Variants in UBR4 observed in about 807,000 individuals in gnomAD.
UBR4 encodes ubiquitin protein ligase E3 component n-recognin 4, also known as E3 ubiquitin-protein ligase UBR4.
A neutral mutation model predicts 575.6 loss-of-function variants in UBR4; 124 were observed. That is an observed-to-expected ratio of 0.22 (90% CI 0.19 to 0.25). The LOEUF is 0.25. Among genes scored for constraint, UBR4 ranks in the 10% least tolerant of loss-of-function variants. UBR4 has a pLI of 1.00. For synonymous variants in UBR4, 2,455 were observed against 2,473.7 expected (o/e 0.99, Z 0.22); for missense variants, 4,818 against 6,478.8 (o/e 0.74, Z 8.80).
At chr1:19,086,567 AC>A in intron 100 of UBR4, 111 bp downstream of exon 100, 1 of 1,449,474 alleles carries the variant, frequency 6.9e-7, no homozygotes, top group Middle Eastern at 2.6e-4. Context: ...AGAACACCCT[AC>A]TCTCCAGAGA....
At chr1:19,200,120 T>C (rs1004980918) in intron 2 of UBR4, among the ~76,000 whole-genome samples, 5 of 152,222 alleles carry the variant, frequency 3.3e-5, no homozygotes, top group Non-Finnish European at 2.9e-5. Flanking sequence ...CATAGCTAGG[T>C]TTAAATCCAG....
intron 85 of UBR4, 156 bp downstream of exon 85, chr1:19,104,892 T>C: frequency 7.8e-7 from 1 of 1,284,510 alleles, no homozygotes. Flanking sequence ...TACAGCTACA[T>C]AATAAATACA....
At position 19,110,647 on chromosome 1, in the gene UBR4, C is replaced by T. The variant is rs1475400646; in HGVS notation, c.11892+95G>A. On this transcript the variant is annotated intron_variant, in intron 79 of 105. Coordinates refer to ENST00000375254, the MANE Select transcript of UBR4 (RefSeq NM_020765.3). This position sits in a 1 kb window ranked among gnomAD's most constrained non-coding sequence, Gnocchi z 4.5. ...GGGGTAATGTTCTGCTCCTTCCCTC[C>T]TCAGTCACCGCAGGACCTGGGAGGG... is the stretch of plus-strand genomic sequence containing the variant. The T allele has an allele frequency of 4.8e-6, 7 of 1,458,840 alleles. No individual in the cohort carries two copies. In the South Asian group the frequency reaches 8.0e-5, roughly 17 times the overall value. The allele number at this position is 1,458,840 out of a possible 1,614,324, so 90.4% of individuals were successfully genotyped here.
intron 8 of UBR4, 139 bp from the exon 9 acceptor site, chr1:19,193,696 A>G: frequency 8.3e-7 from 1 of 1,199,348 alleles, no homozygotes; most frequent in Non-Finnish European, 1.1e-6. Context: ...AGCAAGACTA[A>G]ATAGGTTTAC....
At chr1:19,106,432 C>G in intron 83 of UBR4, 137 bp downstream of exon 83, 1 of 1,188,376 alleles carries the variant, frequency 8.4e-7, no homozygotes, top group Non-Finnish European at 1.1e-6. Context: ...GTACTCACTC[C>G]CTATTTGAAA....
chr1:19,197,184 A>C lies in UBR4; in HGVS notation c.975T>G (p.Arg325=), dbSNP rs1383216301. 1 of 1,614,082 alleles carries C rather than the reference A, an allele frequency of 6.2e-7. No homozygotes were observed. Among genetic ancestry groups the C allele is most frequent in the South Asian group, 1.1e-5 (1 of 91,086 alleles). ...GGCTGAGGACTGTCACATCTTGTAG[A>C]CGAGAAGGATTGAGAGGTTCCAACA... The part of the protein sequence containing the change: ...LPVLEPLNPS[R]LQDVTVLSLS... The change falls in exon 8 of 106, where the codon CGT becomes CGG. Residue 325 remains arginine (R), a synonymous_variant. Transcript: ENST00000375254.
intron 87 of UBR4, 133 bp downstream of exon 87, chr1:19,103,951 T>C: frequency 9.7e-7 from 1 of 1,033,432 alleles, no homozygotes; most frequent in East Asian, 2.5e-5. Flanking sequence ...AAGAAATGAG[T>C]CTCCCTTTGA....
chr1:19,185,133 C>T lies in UBR4; in HGVS notation c.1904G>A (p.Gly635Asp), dbSNP rs148622343. 1.2e-6 allele frequency: 2 copies of T among 1,614,002 alleles called. No individual in the cohort carries two copies. The highest frequency in any genetic ancestry group is 1.7e-6 in the Non-Finnish European group (2 of 1,180,024). ...ATCTTTGCGACTCGCCAGAATGTTGCCCTTCTCACCAGGGGCCTGCTTACT... is the reference window on the plus strand; with the variant it reads ...ATCTTTGCGACTCGCCAGAATGTTGTCCTTCTCACCAGGGGCCTGCTTACT... ...SPSKQAPGEK[G>D]NILASRKDPE... The change falls in exon 15 of 106, where the codon GGC becomes GAC. Residue 635 changes from glycine (G) to aspartate (D), a missense_variant. By Grantham distance (94) the Gly-to-Asp change is moderately conservative. This residue lies in a region of UBR4 where 1,172 missense variants were observed against 1,259.7 expected (regional missense o/e 0.93). Transcript: ENST00000375254.
chr1:19,126,532 GCTC>G lies in UBR4; in HGVS notation c.9349_9351del (p.Glu3117del). On this transcript the variant is annotated inframe_deletion, in exon 64 of 106. Transcript: ENST00000375254. ...TTCAGCAACTGGCTGGTAGCCACAG[GCTC>G]CTCGTCATTCTGTTGGCTCTTCCAA... 6.2e-7 allele frequency: 1 copy of G among 1,614,190 alleles called. No homozygotes were observed. Among genetic ancestry groups the G allele is most frequent in the Non-Finnish European group, 8.5e-7 (1 of 1,180,022 alleles).
intron 1 of UBR4, among the ~76,000 whole-genome samples, chr1:19,202,915 T>C (rs1179715533): frequency 6.6e-6 from 1 of 151,686 alleles, no homozygotes; most frequent in Non-Finnish European, 1.5e-5. Context: ...TGAAACCCTG[T>C]CTCTACTAAA....
intron 23 of UBR4, 47 bp downstream of exon 23, chr1:19,173,392 C>G: frequency 2.5e-6 from 4 of 1,612,660 alleles, no homozygotes; most frequent in Non-Finnish European, 3.4e-6. Context: ...CCAGTAAGCA[C>G]AAAGCACTTT....
chr1:19,105,003 G>C, intron 85 of UBR4, 45 bp downstream of exon 85: 1 of 1,602,318 alleles, frequency 6.2e-7, no homozygotes, highest in South Asian at 1.1e-5. Flanking sequence ...CAAGGTACAA[G>C]GGGGAATTAG....
rs758998045 is a variant in UBR4 at position 19,174,464 on chromosome 1, AAG to A, written c.2854-19_2854-18del. 16 of 1,604,800 alleles carry A rather than the reference AAG, an allele frequency of 1.0e-5. No homozygotes were observed. Among genetic ancestry groups the A allele is most frequent in the Non-Finnish European group, 1.4e-5 (16 of 1,179,630 alleles). ...GTCACATGCCTGACATCAAGAAAGA[AAG>A]AGAGTCATTTCCTTACTTTTAAAGT... On this transcript the variant is annotated intron_variant, in intron 21 of 105. Transcript: ENST00000375254.
At chr1:19,187,076 T>TTATATATATA (rs59833909) in intron 13 of UBR4, 88 bp downstream of exon 13, 2 of 690,890 alleles carry the variant, frequency 2.9e-6, no homozygotes, top group African/African-American at 4.1e-5. Context: ...CAAGAAAGTT[T>TTATATATATA]TATATATATA....
Position 19,120,285 on chromosome 1 carries a change from A to G in UBR4, c.10205T>C (p.Phe3402Ser), listed in dbSNP as rs1306429962. 7 of 1,613,972 alleles carry G rather than the reference A, an allele frequency of 4.3e-6. No individual in the cohort carries two copies. The South Asian group carries it at 6.6e-5, about 15-fold the overall frequency. Residue 3402 changes from phenylalanine (F) to serine (S), a missense_variant, in exon 69 of 106, where the codon TTT becomes TCT. Phe to Ser is a radical substitution (Grantham distance 155). This residue lies in a region of UBR4 where 550 missense variants were observed against 791.5 expected (regional missense o/e 0.69). Coordinates refer to ENST00000375254, the MANE Select transcript of UBR4 (RefSeq NM_020765.3). The stretch of plus-strand genomic sequence containing the variant: ...CTGGATCAGGGTTTCCTTATCGGCA[A>G]ATTTGTTCAGCTGGTTCACCAGAGC... ...CTALVNQLNK[F>S]ADKETLIQFL...
At chr1:19,145,760 A>T in intron 53 of UBR4, 33 bp downstream of exon 53, 1 of 1,607,080 alleles carries the variant, frequency 6.2e-7, no homozygotes, top group Non-Finnish European at 8.5e-7. Flanking sequence ...ATCAGGCTTC[A>T]TTACCAAGAT....
intron 29 of UBR4, 132 bp downstream of exon 29, chr1:19,166,890 T>G: frequency 1.0e-6 from 1 of 1,000,606 alleles, no homozygotes; most frequent in Non-Finnish European, 1.5e-6. Flanking sequence ...AGCGAGACCA[T>G]GTCTCAGAAT....
intron 65 of UBR4, among the ~76,000 whole-genome samples, chr1:19,123,627 A>G (rs2081409498): frequency 6.6e-6 from 1 of 152,174 alleles, no homozygotes; most frequent in African/African-American, 2.4e-5. Flanking sequence ...TTGTGCCCTT[A>G]GGAATCTACA....
rs866178339 is a variant in UBR4 at position 19,101,509 on chromosome 1, G to A, written c.13023+11C>T. ...ACACTCGAGAGCCATGGGAAGCACCGCACTGCTTACAGGATAAATGATGCT... is the reference window on the plus strand; with the variant it reads ...ACACTCGAGAGCCATGGGAAGCACCACACTGCTTACAGGATAAATGATGCT... On this transcript the variant is annotated intron_variant, in intron 88 of 105. Coordinates refer to ENST00000375254, the MANE Select transcript of UBR4 (RefSeq NM_020765.3). 1.8e-5 allele frequency: 29 copies of A among 1,606,450 alleles called. No homozygotes were observed. The Middle Eastern group carries it at 7.0e-4, about 39-fold the overall frequency.
Sources: gnomAD v4.1 joint callset for allele counts (sites outside exome capture counted in the v4.1 genomes callset) on GRCh38, gnomAD v4.1.1 for gene constraint, gnomAD v4.1.1 regional missense constraint, Gnocchi (gnomAD v3.1) non-coding constraint, MANE v1.5 for transcripts, NCBI Gene and HGNC (gene_info 2026-07-23, HGNC 2026-07-21) for gene names.